Variants in DHRSX observed in about 807,000 individuals in gnomAD.
The protein encoded by DHRSX is dehydrogenase/reductase X-linked.
In DHRSX, 31 loss-of-function variants were observed where a neutral mutation model predicts 34.0. The ratio of observed to expected loss-of-function variants is 0.91; its 90% CI spans 0.69 to 1.23. The LOEUF is 1.23. DHRSX is among the 50% of genes most tolerant of loss of function. The pLI is 0.00. For synonymous variants in DHRSX, 201 were observed against 183.8 expected (o/e 1.09, Z -0.76); for missense variants, 414 against 428.1 (o/e 0.97, Z 0.29).
At chrX:2,390,645 C>T (rs1406560404) in intron 3 of DHRSX, among the ~76,000 whole-genome samples, 4 of 152,156 alleles carry the variant, frequency 2.6e-5, no homozygotes, top group Admixed American at 6.5e-5. Context: ...ACCTTTTCCT[C>T]GCCCAACCCC....
intron 3 of DHRSX, among the ~76,000 whole-genome samples, chrX:2,332,902 C>T (rs1203575687): frequency 6.6e-6 from 1 of 152,104 alleles, no homozygotes; most frequent in African/African-American, 2.4e-5. Flanking sequence ...GCGGTGAGTA[C>T]CATTTTACGA....
chrX:2,359,270 C>G (rs1004650577), intron 3 of DHRSX, among the ~76,000 whole-genome samples: 4 of 152,198 alleles, frequency 2.6e-5, no homozygotes, highest in African/African-American at 9.7e-5. Context: ...AAAGGAACAT[C>G]AATCATTCTG....
At chrX:2,241,158 T>C (rs2016132374) in intron 6 of DHRSX, among the ~76,000 whole-genome samples, 1 of 152,132 alleles carries the variant, frequency 6.6e-6, no homozygotes, top group Non-Finnish European at 1.5e-5. Flanking sequence ...CACTCCAGCC[T>C]GGTGATAGAG....
chrX:2,326,532 CA>C (rs1478526002), intron 3 of DHRSX, among the ~76,000 whole-genome samples: 1 of 152,022 alleles, frequency 6.6e-6, no homozygotes, highest in Admixed American at 6.6e-5. Context: ...CAAAAAACAA[CA>C]ACAACAGAAA....
chrX:2,338,020 A>C (rs1431715879), intron 3 of DHRSX: 3 of 151,334 alleles, frequency 2.0e-5, no homozygotes, highest in African/African-American at 7.3e-5. Flanking sequence ...AAAAAAAAAA[A>C]AGCTGGAATC....
intron 3 of DHRSX, among the ~76,000 whole-genome samples, chrX:2,313,002 A>ATTTT (rs1440342816): frequency 7.5e-5 from 8 of 107,044 alleles, no homozygotes; most frequent in African/African-American, 2.5e-4. Flanking sequence ...GCTTCAAGAT[A>ATTTT]TATATTTTTT....
intron 3 of DHRSX, among the ~76,000 whole-genome samples, chrX:2,381,273 G>A (rs1418251596): frequency 1.3e-5 from 2 of 152,128 alleles, no homozygotes; most frequent in Non-Finnish European, 2.9e-5. Context: ...TGAGATGAGT[G>A]TCCTTCTAAA....
intron 3 of DHRSX, among the ~76,000 whole-genome samples, chrX:2,318,143 G>A (rs1359060328): frequency 2.7e-5 from 4 of 146,638 alleles, no homozygotes; most frequent in African/African-American, 7.5e-5. Context: ...CTAGCAGTTC[G>A]AGACCAGCCT....
intron 5 of DHRSX, among the ~76,000 whole-genome samples, chrX:2,249,085 T>C (rs1308807431): frequency 2.0e-5 from 3 of 151,854 alleles, no homozygotes; most frequent in African/African-American, 7.3e-5. Flanking sequence ...GTGAAGAACA[T>C]GGGGAAAACT....
At chrX:2,353,533 A>T (rs1423627656) in intron 3 of DHRSX, among the ~76,000 whole-genome samples, 1 of 151,974 alleles carries the variant, frequency 6.6e-6, no homozygotes, top group East Asian at 1.9e-4. Context: ...TAGTTGAAGG[A>T]GTCAGAAGAC....
intron 6 of DHRSX, among the ~76,000 whole-genome samples, chrX:2,241,196 A>G (rs1171296699): frequency 6.6e-6 from 1 of 152,142 alleles, no homozygotes; most frequent in Non-Finnish European, 1.5e-5. Context: ...CAAACAAACA[A>G]AAAAACCCAA....
At chrX:2,490,709 T>C (rs1826219774) in intron 1 of DHRSX, 2 of 1,613,052 alleles carry the variant, frequency 1.2e-6, no homozygotes, top group Non-Finnish European at 1.7e-6. Context: ...CTCCAGGCTT[T>C]TATTCTCCAT....
chrX:2,463,735 C>G (rs1245522103), intron 1 of DHRSX, among the ~76,000 whole-genome samples: 1 of 152,182 alleles, frequency 6.6e-6, no homozygotes, highest in Non-Finnish European at 1.5e-5. Flanking sequence ...GGCTGCGTCT[C>G]TCACTGTGCC....
chrX:2,231,493 A>G (rs1344246072), intron 6 of DHRSX, among the ~76,000 whole-genome samples: 2 of 110,456 alleles, frequency 1.8e-5, no homozygotes, highest in Non-Finnish European at 3.7e-5. Context: ...CTCCTCTTTC[A>G]TTTCTTCCTT....
At chrX:2,447,356 T>C (rs894584702) in intron 1 of DHRSX, among the ~76,000 whole-genome samples, 38 of 151,910 alleles carry the variant, frequency 2.5e-4, no homozygotes, top group African/African-American at 9.2e-4. Flanking sequence ...CTGAAGATGT[T>C]CCCAAGCATG....
intron 3 of DHRSX, among the ~76,000 whole-genome samples, chrX:2,307,367 C>A (rs1484880966): frequency 6.6e-6 from 1 of 152,070 alleles, no homozygotes. Flanking sequence ...GTATTTTGTT[C>A]ACCGTTTGAG....
intron 5 of DHRSX, among the ~76,000 whole-genome samples, chrX:2,249,232 G>A (rs1014573947): frequency 4.9e-5 from 6 of 122,830 alleles, no homozygotes; most frequent in Admixed American, 2.0e-4. Flanking sequence ...TTGTTCTGTC[G>A]CCCAGGCTAG....
At chrX:2,461,521 A>G (rs1191267333) in intron 1 of DHRSX, among the ~76,000 whole-genome samples, 1 of 152,100 alleles carries the variant, frequency 6.6e-6, no homozygotes, top group Non-Finnish European at 1.5e-5. Flanking sequence ...AACAAGCACA[A>G]CTTCTGCTTA....
chrX:2,372,389 G>A (rs1484206438), intron 3 of DHRSX, among the ~76,000 whole-genome samples: 3 of 152,100 alleles, frequency 2.0e-5, no homozygotes, highest in East Asian at 3.9e-4. Context: ...CAGCGTGAGT[G>A]TGTCTATCAC....
Sources: gnomAD v4.1 joint callset for allele counts (sites outside exome capture counted in the v4.1 genomes callset) on GRCh38, gnomAD v4.1.1 for gene constraint, MANE v1.5 for transcripts, NCBI Gene and HGNC (gene_info 2026-07-23, HGNC 2026-07-21) for gene names.